NEK11: variants seen among roughly 807,000 people sequenced by gnomAD.
The protein encoded by NEK11 is NIMA related kinase 11.
A neutral mutation model predicts 80.7 loss-of-function variants in NEK11; 72 were observed. The observed-to-expected ratio is 0.89, with a 90% CI of 0.74 to 1.08. The LOEUF (loss-of-function observed/expected upper bound fraction) is 1.08. Ranked by LOEUF, NEK11 falls within the 50% of genes least tolerant of loss-of-function variation. The pLI, the probability that NEK11 is intolerant of heterozygous loss-of-function variation, is 0.00. For missense variants in NEK11, 764 were observed against 763.6 expected (o/e 1.00, Z -0.01); for synonymous variants, 251 against 260.7 (o/e 0.96, Z 0.36).
intron 17 of NEK11, among the ~76,000 whole-genome samples, chr3:131,292,965 ACTT>A (rs1195824694): frequency 6.6e-6 from 1 of 152,168 alleles, no homozygotes; most frequent in Non-Finnish European, 1.5e-5. Context: ...AGCTAGAATC[ACTT>A]ATTAGTTCCA....
At chr3:131,108,166 G>C (rs1031146668) in intron 4 of NEK11, among the ~76,000 whole-genome samples, 3 of 152,112 alleles carry the variant, frequency 2.0e-5, no homozygotes, top group Non-Finnish European at 4.4e-5. Context: ...CCCTGTGTAG[G>C]AGAGAAAATG....
intron 7 of NEK11, among the ~76,000 whole-genome samples, chr3:131,149,738 G>T (rs2718871): frequency 6.6e-6 from 1 of 151,672 alleles, no homozygotes; most frequent in Non-Finnish European, 1.5e-5. Flanking sequence ...ATTTGTTATC[G>T]TTAATCTGTG....
chr3:131,266,690 C>T (rs1042581196), intron 16 of NEK11, among the ~76,000 whole-genome samples: 4 of 152,100 alleles, frequency 2.6e-5, no homozygotes, highest in Admixed American at 6.6e-5. Context: ...CTGTTGATTT[C>T]GGGTGGAGAG....
intron 7 of NEK11, among the ~76,000 whole-genome samples, chr3:131,139,906 G>A (rs1285033010): frequency 1.3e-5 from 2 of 152,210 alleles, no homozygotes; most frequent in Non-Finnish European, 2.9e-5. Flanking sequence ...CGAGGAAAGA[G>A]TGTGGCCATG....
In NEK11 at chr3:131,288,450, C is replaced by CTTTCTTTCT. The variant is rs536834704; in HGVS notation, c.1718+14879_1718+14880insCTTTCTTTT. Among the ~76,000 whole-genome samples the CTTTCTTTCT allele has an allele frequency of 7.4e-4, 85 of 115,382 alleles. 1 individual carries two copies. Among genetic ancestry groups the CTTTCTTTCT allele is most frequent in the African/African-American group, 2.1e-3 (69 of 32,418 alleles). The allele number at this position is 115,382 out of a possible 152,430, so 75.7% of individuals were successfully genotyped here. On this transcript the variant is annotated intron_variant, in intron 17 of 17. Transcript: ENST00000383366. ...TTATATGGTATGCATTTCTTTCTTTCTTTTTTTTTTTTTTTTTTTGAGACG... is the reference window on the plus strand; with the variant it reads ...TTATATGGTATGCATTTCTTTCTTTCTTTCTTTCTTTTTTTTTTTTTTTTTTTTGAGACG...
chr3:131,036,026 A>G (rs1182295853), intron 3 of NEK11, among the ~76,000 whole-genome samples: 1 of 152,240 alleles, frequency 6.6e-6, no homozygotes, highest in Non-Finnish European at 1.5e-5. Flanking sequence ...AAGAAGCAGT[A>G]AAATAATCTA....
chr3:131,140,199 A>G (rs930773220), intron 7 of NEK11, among the ~76,000 whole-genome samples: 1 of 152,178 alleles, frequency 6.6e-6, no homozygotes, highest in East Asian at 1.9e-4. Flanking sequence ...AATCTAGGTA[A>G]TAAAAGCAAT....
intron 16 of NEK11, among the ~76,000 whole-genome samples, chr3:131,248,219 G>A (rs903609339): frequency 2.6e-5 from 4 of 152,032 alleles, no homozygotes; most frequent in African/African-American, 7.2e-5. Context: ...TATGATGTTG[G>A]CTGTAGATGT....
intron 4 of NEK11, among the ~76,000 whole-genome samples, chr3:131,095,112 A>G (rs1205195063): frequency 6.6e-6 from 1 of 152,152 alleles, no homozygotes; most frequent in Non-Finnish European, 1.5e-5. Flanking sequence ...GACTTGGATC[A>G]ATCTTATGGA....
chr3:131,240,941 G>C (rs952654915), intron 15 of NEK11, among the ~76,000 whole-genome samples: 3 of 152,124 alleles, frequency 2.0e-5, no homozygotes, highest in Admixed American at 2.0e-4. Flanking sequence ...GCTTGCTGCT[G>C]CCTAAACTTT....
intron 14 of NEK11, chr3:131,175,211 T>C: frequency 2.8e-6 from 2 of 719,746 alleles, no homozygotes; most frequent in Non-Finnish European, 3.4e-6. Flanking sequence ...TTTTAGATAG[T>C]TATCTGAAAG....
At position 131,272,024 on chromosome 3, in the gene NEK11, C is replaced by T. The variant is rs537823636; in HGVS notation, c.1622-1454C>T. Among the ~76,000 whole-genome samples, 6 of 151,974 alleles carry T rather than the reference C, an allele frequency of 3.9e-5. No individual in the cohort carries two copies. The South Asian group carries it at 8.3e-4, about 21-fold the overall frequency. On this transcript the variant is annotated intron_variant, in intron 16 of 17. Coordinates refer to ENST00000383366, the MANE Select transcript of NEK11 (RefSeq NM_024800.5). Reference sequence around the variant, plus strand: ...CTGAGGCAGAAGAATCACTTGAACCCGGGAGGCAGAGGTTGCGGTGAGCCG... The same window carrying T: ...CTGAGGCAGAAGAATCACTTGAACCTGGGAGGCAGAGGTTGCGGTGAGCCG...
intron 5 of NEK11, among the ~76,000 whole-genome samples, chr3:131,127,209 C>A (rs1226919698): frequency 1.3e-5 from 2 of 151,896 alleles, no homozygotes; most frequent in Non-Finnish European, 2.9e-5. Flanking sequence ...AGGTGATCCA[C>A]CCACCTTGGC....
At chr3:131,089,564 G>T (rs1033305814) in intron 4 of NEK11, among the ~76,000 whole-genome samples, 1 of 152,054 alleles carries the variant, frequency 6.6e-6, no homozygotes, top group Non-Finnish European at 1.5e-5. Flanking sequence ...TCAGCCTCCC[G>T]AGTAGCTGGG....
intron 7 of NEK11, among the ~76,000 whole-genome samples, chr3:131,145,867 T>A (rs908503361): frequency 1.2e-4 from 18 of 152,130 alleles, no homozygotes; most frequent in African/African-American, 3.9e-4. Flanking sequence ...GTTGTGAGTG[T>A]AAGTTAATGA....
chr3:131,218,675 G>T (rs933914110), intron 14 of NEK11, among the ~76,000 whole-genome samples: 1 of 152,146 alleles, frequency 6.6e-6, no homozygotes, highest in Non-Finnish European at 1.5e-5. Context: ...GGCTGATAGG[G>T]TGGGCTCTAA....
chr3:131,206,061 T>A (rs984321379), intron 14 of NEK11, among the ~76,000 whole-genome samples: 1 of 152,254 alleles, frequency 6.6e-6, no homozygotes, highest in Non-Finnish European at 1.5e-5. Flanking sequence ...ACTTTCTCTA[T>A]GGTTACAGTA....
Position 131,080,440 on chromosome 3 carries a change from T to C in NEK11, c.188T>C (p.Ile63Thr). 6.2e-7 allele frequency: 1 copy of C among 1,601,168 alleles called. No individual in the cohort carries two copies. Among genetic ancestry groups the C allele is most frequent in the Non-Finnish European group, 8.5e-7 (1 of 1,176,932 alleles). ...GATCTCAGAAAGGTACTTAAGGAAA[T>C]ATCTGTTGGAGAACTAAATCCAAAT... ...RGEELKVLKE[I>T]SVGELNPNET... is the part of the protein sequence containing the mutation. The change falls in exon 4 of 18, where the codon ATA (isoleucine) becomes ACA (threonine). Residue 63 changes from isoleucine to threonine, a missense_variant. Transcript: ENST00000383366.
chr3:131,118,958 G>A (rs2149443638), intron 5 of NEK11, among the ~76,000 whole-genome samples: 1 of 152,086 alleles, frequency 6.6e-6, no homozygotes, highest in South Asian at 2.1e-4. Context: ...GGTTTTTTGT[G>A]TCTCTATCTT....
Sources: allele counts gnomAD v4.1 joint callset (sites outside exome capture counted in the v4.1 genomes callset), GRCh38; gene constraint gnomAD v4.1.1; transcripts MANE v1.5; gene names NCBI Gene and HGNC (gene_info 2026-07-23, HGNC 2026-07-21).